DAB1: variants seen among roughly 807,000 people sequenced by gnomAD.
DAB1 encodes the protein DAB adaptor protein 1, also known as disabled homolog 1.
Under a neutral mutation model 64.6 loss-of-function variants are expected in DAB1, and 15 were observed. That is an observed-to-expected ratio of 0.23 (90% CI 0.16 to 0.36). The LOEUF is 0.36. Among genes scored for constraint, DAB1 ranks in the 10% least tolerant of loss-of-function variants. The pLI is 1.00. For missense variants in DAB1, 596 were observed against 706.7 expected (o/e 0.84, Z 1.78); for synonymous variants, 235 against 251.9 (o/e 0.93, Z 0.64).
chr1:57,165,251 T>G (rs917499440), intron 2 of DAB1, among the ~76,000 whole-genome samples: 1 of 135,556 alleles, frequency 7.4e-6, no homozygotes, highest in Non-Finnish European at 1.7e-5. Context: ...AAAAAATAGG[T>G]TTTTTTTTTA....
intron 1 of DAB1, among the ~76,000 whole-genome samples, chr1:57,333,856 A>G (rs1676873161): frequency 2.0e-5 from 3 of 152,240 alleles, no homozygotes; most frequent in African/African-American, 7.2e-5. Flanking sequence ...GATATTTACC[A>G]TTATAAGTGA....
At chr1:57,004,540 C>T (rs1468107219) in intron 14 of DAB1, among the ~76,000 whole-genome samples, 1 of 152,158 alleles carries the variant, frequency 6.6e-6, no homozygotes, top group Non-Finnish European at 1.5e-5. Flanking sequence ...AAGTGCCAAG[C>T]GAAGCTGAGG....
chr1:58,152,829 T>C (rs555246960), intron 4 of DAB1, among the ~76,000 whole-genome samples: 2 of 152,328 alleles, frequency 1.3e-5, no homozygotes, highest in South Asian at 2.1e-4. Flanking sequence ...TTAGCCAATA[T>C]AGTTATCTCA....
intron 6 of DAB1, among the ~76,000 whole-genome samples, chr1:57,772,216 C>T (rs1355660525): frequency 6.6e-6 from 1 of 152,142 alleles, no homozygotes; most frequent in Non-Finnish European, 1.5e-5. Flanking sequence ...TGCCTTTCCT[C>T]CCTCCACCAT....
chr1:57,674,261 C>T (rs1232184972), intron 6 of DAB1, among the ~76,000 whole-genome samples: 1 of 152,142 alleles, frequency 6.6e-6, no homozygotes, highest in Non-Finnish European at 1.5e-5. Context: ...CTTCTAACTT[C>T]CAGCAGTTAT....
intron 1 of DAB1, chr1:58,534,090 T>C: frequency 1.2e-6 from 1 of 868,022 alleles, no homozygotes. Context: ...ATGTAAGCAA[T>C]TAGAACATCA....
chr1:58,304,713 A>G (rs1569625534), intron 4 of DAB1, among the ~76,000 whole-genome samples: 1 of 152,132 alleles, frequency 6.6e-6, no homozygotes, highest in African/African-American at 2.4e-5. Flanking sequence ...AGCTTGCTAA[A>G]ATTAGAGATC....
intron 8 of DAB1, among the ~76,000 whole-genome samples, chr1:57,064,472 A>T (rs1359803428): frequency 1.3e-5 from 2 of 152,170 alleles, no homozygotes; most frequent in Admixed American, 1.3e-4. Context: ...TCCTCAAGAC[A>T]AGTCTTTCAG....
Position 57,419,198 on chromosome 1 carries a change from C to T in DAB1, c.-137+4732G>A, listed in dbSNP as rs977722801. On this transcript the variant is annotated intron_variant, in intron 1 of 14. Transcript: ENST00000371236. ...TTATATTTTCAAGCCACGTCTCTAT[C>T]CTGGTATAGGAGACAATCTGGTCTA... is the stretch of plus-strand genomic sequence containing the variant. Among the ~76,000 whole-genome samples the T allele has an allele frequency of 3.2e-4, 48 of 152,146 alleles. 1 individual carries two copies. The highest frequency in any genetic ancestry group is 4.4e-5 in the Non-Finnish European group (3 of 68,024).
chr1:58,078,450 G>A (rs1649786781), intron 5 of DAB1, among the ~76,000 whole-genome samples: 1 of 152,132 alleles, frequency 6.6e-6, no homozygotes, highest in Non-Finnish European at 1.5e-5. Context: ...ACATAGCTTG[G>A]CATTCAGTAA....
At chr1:58,437,127 A>G (rs1458969117) in intron 3 of DAB1, among the ~76,000 whole-genome samples, 4 of 152,038 alleles carry the variant, frequency 2.6e-5, no homozygotes, top group Non-Finnish European at 4.4e-5. Context: ...TCTCATTACC[A>G]CCTCAGAGAA....
intron 3 of DAB1, among the ~76,000 whole-genome samples, chr1:57,140,483 GA>G (rs1379657606): frequency 1.3e-5 from 2 of 152,230 alleles, no homozygotes; most frequent in African/African-American, 4.8e-5. Flanking sequence ...TCTTCTTTAA[GA>G]GCCCCTTTTT....
chr1:58,363,246 A>G (rs2100527591), intron 3 of DAB1, among the ~76,000 whole-genome samples: 1 of 152,302 alleles, frequency 6.6e-6, no homozygotes, highest in Non-Finnish European at 1.5e-5. Context: ...AGGACTGGAA[A>G]TATCTTTAAA....
At chr1:58,381,775 T>C (rs1318222824) in intron 3 of DAB1, among the ~76,000 whole-genome samples, 2 of 152,198 alleles carry the variant, frequency 1.3e-5, no homozygotes, top group African/African-American at 2.4e-5. Flanking sequence ...AGACTATGAA[T>C]GGAGATGCTA....
intron 6 of DAB1, among the ~76,000 whole-genome samples, chr1:57,653,665 T>A (rs1646282517): frequency 1.3e-5 from 2 of 152,290 alleles, no homozygotes; most frequent in African/African-American, 4.8e-5. Context: ...CAGGCTGCAG[T>A]GAAGTGGCAC....
chr1:57,572,580 T>C (rs1291758097), intron 7 of DAB1, among the ~76,000 whole-genome samples: 1 of 152,150 alleles, frequency 6.6e-6, no homozygotes, highest in African/African-American at 2.4e-5. Flanking sequence ...GTTGTGAGGA[T>C]TAAATGAGTT....
At chr1:58,499,916 A>G (rs1461561821) in intron 3 of DAB1, among the ~76,000 whole-genome samples, 2 of 152,196 alleles carry the variant, frequency 1.3e-5, no homozygotes, top group Non-Finnish European at 2.9e-5. Context: ...CATATCAAGT[A>G]AAACATCAAC....
At chr1:58,038,242 T>A (rs1570262077) in intron 5 of DAB1, among the ~76,000 whole-genome samples, 2 of 151,972 alleles carry the variant, frequency 1.3e-5, no homozygotes, top group Non-Finnish European at 1.5e-5. Context: ...AGGAGTTGAG[T>A]ATGGGCATTC....
chr1:58,192,856 T>A (rs1248954545), intron 4 of DAB1, among the ~76,000 whole-genome samples: 3 of 152,184 alleles, frequency 2.0e-5, no homozygotes, highest in Non-Finnish European at 4.4e-5. Flanking sequence ...ATGGTATTTT[T>A]AAATAAGTAC....
Sources: allele counts gnomAD v4.1 joint callset (sites outside exome capture counted in the v4.1 genomes callset), GRCh38; gene constraint gnomAD v4.1.1; transcripts MANE v1.5; gene names NCBI Gene and HGNC (gene_info 2026-07-23, HGNC 2026-07-21).